The following SARNP variants were observed in gnomAD, a reference collection of about 807,000 sequenced individuals.
The protein encoded by SARNP is SAP domain containing ribonucleoprotein.
A neutral mutation model predicts 38.1 loss-of-function variants in SARNP; 5 were observed. The observed-to-expected ratio is 0.13, with a 90% CI of 0.07 to 0.28. The LOEUF (loss-of-function observed/expected upper bound fraction) is 0.28, where lower values mean the gene tolerates loss of function less well. Among genes scored for constraint, SARNP ranks in the 10% least tolerant of loss-of-function variants. The probability of loss-of-function intolerance (pLI) is 1.00; values close to 1 mark genes in which losing one functional copy is unlikely to be tolerated. For missense variants in SARNP, 180 were observed against 243.9 expected (o/e 0.74, Z 1.75); for synonymous variants, 84 against 80.6 (o/e 1.04, Z -0.23).
rs79735277 is a variant in SARNP, at chr12:55,788,971, C to T, written c.501+104G>A. On this transcript the variant is annotated intron_variant, in intron 9 of 10. Coordinates refer to ENST00000336133, the MANE Select transcript of SARNP (RefSeq NM_033082.4). ...TCAATCAAGTATGTGAAATGAAATG[C>T]TTTGTAGCCAGCTACATTCTCAGGA... is the stretch of plus-strand genomic sequence containing the variant. The T allele has an allele frequency of 4.6e-5, 35 of 755,742 alleles. No homozygotes were observed. The Admixed American group carries it at 6.6e-4, about 14-fold the overall frequency. The allele number at this position is 755,742 out of a possible 1,614,324, so 46.8% of individuals were successfully genotyped here. A position where few individuals can be genotyped will look rare whatever the true frequency, so the allele number is the denominator to read the frequency against.
At chr12:55,814,165 A>G (rs1880414583) in intron 1 of SARNP, among the ~76,000 whole-genome samples, 1 of 151,866 alleles carries the variant, frequency 6.6e-6, no homozygotes, top group Non-Finnish European at 1.5e-5. Flanking sequence ...CAGGGGAATG[A>G]CTCCTATAAT....
At position 55,800,848 on chromosome 12, in the gene SARNP, A is replaced by G. The variant is rs751039245; in HGVS notation, c.183+6T>C. On this transcript the variant is annotated splice_donor_region_variant and intron_variant, in intron 3 of 10. Transcript: ENST00000336133. ...CCAGAGACTAACCTTACTCTATCCA[A>G]CTCACCTCTGTTTCATCTCCCAGTA... is the stretch of plus-strand genomic sequence containing the variant. 1.2e-6 allele frequency: 2 copies of G among 1,609,552 alleles called. No homozygotes were observed. The highest frequency in any genetic ancestry group is 8.5e-7 in the Non-Finnish European group (1 of 1,175,934).
intron 10 of SARNP, among the ~76,000 whole-genome samples, chr12:55,760,241 A>C (rs1170244916): frequency 6.6e-6 from 1 of 152,150 alleles, no homozygotes; most frequent in Admixed American, 6.5e-5. Context: ...GCTCATGCCT[A>C]TAATAATCCC....
chr12:55,787,914 A>C (rs941722294), intron 9 of SARNP, among the ~76,000 whole-genome samples: 8 of 151,324 alleles, frequency 5.3e-5, no homozygotes, highest in Admixed American at 3.3e-4. Context: ...ACACCCAGCT[A>C]ATTTTTTTGT....
chr12:55,774,575 C>CAAAAAAAAAAAAAAA (rs1187594580), intron 9 of SARNP, among the ~76,000 whole-genome samples: 1 of 41,212 alleles, frequency 2.4e-5, no homozygotes, highest in African/African-American at 1.3e-4. Flanking sequence ...AAAAAAAAAA[C>CAAAAAAAAAAAAAAA]AAACAAAAAA....
chr12:55,773,115 A>G (rs757400875), intron 9 of SARNP, among the ~76,000 whole-genome samples: 1 of 152,224 alleles, frequency 6.6e-6, no homozygotes, highest in Non-Finnish European at 1.5e-5. Context: ...TAGAGTGAGC[A>G]CTAGGAAAAC....
At chr12:55,776,574 TC>T (rs1408234259) in intron 9 of SARNP, among the ~76,000 whole-genome samples, 2 of 152,114 alleles carry the variant, frequency 1.3e-5, no homozygotes, top group Non-Finnish European at 2.9e-5. Context: ...GTTGTATTTT[TC>T]CCCCCAAATG....
chr12:55,755,861 A>C (rs145756614), downstream of SARNP: 11 of 152,296 alleles, frequency 7.2e-5, no homozygotes, highest in African/African-American at 2.6e-4. Context: ...ATGAGTGAGG[A>C]GAATAATTAG....
At chr12:55,761,292 C>T (rs1471766962) in intron 9 of SARNP, among the ~76,000 whole-genome samples, 1 of 152,130 alleles carries the variant, frequency 6.6e-6, no homozygotes, top group Non-Finnish European at 1.5e-5. Flanking sequence ...CTGAATAACA[C>T]CCAAAGTTAC....
At chr12:55,817,625 C>A in intron 1 of SARNP, 41 bp downstream of exon 1, 6 of 1,592,950 alleles carry the variant, frequency 3.8e-6, no homozygotes, top group Non-Finnish European at 5.1e-6. Context: ...GAATTCAGTT[C>A]CTAGAAAAGT....
chr12:55,752,749 G>A (rs927951460), downstream of SARNP: 4 of 152,144 alleles, frequency 2.6e-5, no homozygotes, highest in Non-Finnish European at 4.4e-5. Flanking sequence ...AAGGCCATCA[G>A]GCAGTTTTCA....
chr12:55,766,519 T>A (rs1003077695), intron 9 of SARNP, among the ~76,000 whole-genome samples: 3 of 148,414 alleles, frequency 2.0e-5, no homozygotes, highest in Non-Finnish European at 4.4e-5. Context: ...TTCCTTAAGA[T>A]CTCATTTATA....
At chr12:55,766,129 C>T (rs181996002) in intron 9 of SARNP, among the ~76,000 whole-genome samples, 59 of 152,224 alleles carry the variant, frequency 3.9e-4, no homozygotes, top group African/African-American at 1.4e-3. Context: ...GCAGTGACCC[C>T]TCTAGCTCAG....
intron 9 of SARNP, among the ~76,000 whole-genome samples, chr12:55,768,347 C>A (rs1398399807): frequency 6.6e-6 from 1 of 151,530 alleles, no homozygotes; most frequent in Non-Finnish European, 1.5e-5. Context: ...CTTGGCTGGT[C>A]TCGAACTCCT....
At chr12:55,786,590 C>T (rs1022351344) in intron 9 of SARNP, among the ~76,000 whole-genome samples, 4 of 152,142 alleles carry the variant, frequency 2.6e-5, no homozygotes, top group Non-Finnish European at 4.4e-5. Flanking sequence ...GCTGGGATTA[C>T]AGGCACCTGC....
At chr12:55,767,774 G>A (rs1047638838) in intron 9 of SARNP, among the ~76,000 whole-genome samples, 2 of 149,734 alleles carry the variant, frequency 1.3e-5, no homozygotes, top group African/African-American at 4.9e-5. Context: ...GTGAACCCGG[G>A]AGGCAGAGCT....
intron 1 of SARNP, among the ~76,000 whole-genome samples, chr12:55,810,641 T>G (rs1189783502): frequency 6.6e-6 from 1 of 151,722 alleles, no homozygotes; most frequent in Non-Finnish European, 1.5e-5. Context: ...TTAGAAGAGA[T>G]GGGATTTCAC....
downstream of SARNP, chr12:55,756,031 C>T (rs974546468): frequency 6.6e-6 from 1 of 152,132 alleles, no homozygotes; most frequent in Non-Finnish European, 1.5e-5. Context: ...AAACCATATT[C>T]AGGAAGAAAC....
chr12:55,789,183 CA>C (rs1565677953), intron 8 of SARNP, 40 bp from the exon 9 acceptor site: 1 of 1,435,148 alleles, frequency 7.0e-7, no homozygotes, highest in Non-Finnish European at 9.6e-7. Context: ...TTTAAAAAAT[CA>C]AAACGGAAAA....
Sources: allele counts gnomAD v4.1 joint callset (sites outside exome capture counted in the v4.1 genomes callset), GRCh38; gene constraint gnomAD v4.1.1; transcripts MANE v1.5; gene names NCBI Gene and HGNC (gene_info 2026-07-23, HGNC 2026-07-21).